Variants in FAM117B observed in about 807,000 individuals in gnomAD.
FAM117B encodes protein FAM117B.
FAM117B carries 22 observed loss-of-function variants against 52.8 expected under a neutral mutation model. That is an observed-to-expected ratio of 0.42 (90% CI 0.30 to 0.59). The LOEUF (loss-of-function observed/expected upper bound fraction) is 0.59, where lower values mean the gene tolerates loss of function less well. FAM117B is among the 20% of genes least tolerant of loss of function. The pLI is 0.22. For missense variants in FAM117B, 678 were observed against 802.6 expected, an observed-to-expected ratio of 0.84 and a Z score of 1.88; for synonymous variants, 309 against 324.1, an observed-to-expected ratio of 0.95 and a Z score of 0.50.
Position 202,715,837 on chromosome 2 carries a change from C to T in FAM117B, c.754-9080C>T, listed in dbSNP as rs187801989. Among the ~76,000 whole-genome samples, 49 of 152,322 alleles carry T rather than the reference C, an allele frequency of 3.2e-4. No individual in the cohort carries two copies. In the East Asian group the frequency reaches 6.4e-3, roughly 20 times the overall value. On this transcript the variant is annotated intron_variant, in intron 2 of 7. Transcript: ENST00000392238. ...GACTCCGTCTGCAATCCCGGCACCT[C>T]GGGAGGCCGAGGCTGGCGGATCACT...
intron 4 of FAM117B, among the ~76,000 whole-genome samples, chr2:202,734,542 A>G (rs1399810589): frequency 6.6e-6 from 1 of 152,232 alleles, no homozygotes; most frequent in Non-Finnish European, 1.5e-5. Context: ...AAAAGAACCA[A>G]AAAAGTAAAC....
intron 7 of FAM117B, among the ~76,000 whole-genome samples, chr2:202,764,157 C>G (rs564275272): frequency 1.3e-5 from 2 of 152,198 alleles, no homozygotes; most frequent in Non-Finnish European, 2.9e-5. Context: ...CCCCATCACT[C>G]CTCACCCCAC....
At position 202,768,269 on chromosome 2, in the gene FAM117B, TC is replaced by T. The variant is rs577781418; in HGVS notation, c.*2506del. The stretch of plus-strand genomic sequence containing the variant: ...TGCCTATTTGTCTAATTCATATCTT[TC>T]TGTGGAGTTTCATATGTCCTTAATC... On this transcript the variant is annotated 3_prime_UTR_variant, in exon 8 of 8. Transcript: ENST00000392238. 1 of 152,198 alleles carries T rather than the reference TC, an allele frequency of 6.6e-6. No homozygotes were observed. Among genetic ancestry groups the T allele is most frequent in the Non-Finnish European group, 1.5e-5 (1 of 68,034 alleles). 9.4% of individuals were successfully genotyped at this position (152,198 alleles called of 1,614,324 possible).
intron 1 of FAM117B, among the ~76,000 whole-genome samples, chr2:202,661,968 G>T (rs918058600): frequency 6.6e-6 from 1 of 151,680 alleles, no homozygotes; most frequent in Admixed American, 6.6e-5. Context: ...CCAATACTGG[G>T]TAAGTATCCA....
intron 4 of FAM117B, among the ~76,000 whole-genome samples, chr2:202,743,331 A>G (rs1691578689): frequency 6.6e-6 from 1 of 152,218 alleles, no homozygotes; most frequent in Non-Finnish European, 1.5e-5. Context: ...ACACTACTGC[A>G]CCCACCCAGA....
At chr2:202,720,232 G>A (rs1259692307) in intron 2 of FAM117B, among the ~76,000 whole-genome samples, 2 of 151,788 alleles carry the variant, frequency 1.3e-5, no homozygotes, top group Admixed American at 6.6e-5. Context: ...TCTAATGGAG[G>A]TATTTCTTTA....
intron 2 of FAM117B, among the ~76,000 whole-genome samples, chr2:202,709,347 C>T (rs1183697548): frequency 1.3e-5 from 2 of 152,114 alleles, no homozygotes; most frequent in Non-Finnish European, 2.9e-5. Flanking sequence ...GGATTACAGG[C>T]ACCCGCCATC....
Position 202,640,329 on chromosome 2 carries a change from T to TGGCACCAC in FAM117B, c.601+4541_601+4542insGGCACCAC, listed in dbSNP as rs1157672420. Among the ~76,000 whole-genome samples the TGGCACCAC allele has an allele frequency of 8.6e-5, 10 of 116,850 alleles. No individual in the cohort carries two copies. The East Asian group carries it at 2.5e-3, about 29-fold the overall frequency. The allele number at this position is 116,850 out of a possible 152,430, so 76.7% of individuals were successfully genotyped here. The stretch of plus-strand genomic sequence containing the variant: ...ATATATATATATATATATATATATA[T>TGGCACCAC]ATATATATATATATGGCAAGTCGTG... On this transcript the variant is annotated intron_variant, in intron 1 of 7. Coordinates refer to ENST00000392238, the MANE Select transcript of FAM117B (RefSeq NM_173511.4).
chr2:202,690,104 T>C (rs1282962043), intron 1 of FAM117B, among the ~76,000 whole-genome samples: 4 of 152,186 alleles, frequency 2.6e-5, no homozygotes, highest in Admixed American at 6.5e-5. Context: ...CAGGTACTCA[T>C]AGTTGGGGAA....
chr2:202,667,237 A>G (rs983878821), intron 1 of FAM117B, among the ~76,000 whole-genome samples: 1 of 151,976 alleles, frequency 6.6e-6, no homozygotes, highest in Non-Finnish European at 1.5e-5. Context: ...AGTAGCTGAG[A>G]CTACAGGCAC....
At chr2:202,758,702 T>G (rs755675040) in intron 6 of FAM117B, among the ~76,000 whole-genome samples, 2 of 152,204 alleles carry the variant, frequency 1.3e-5, no homozygotes, top group Non-Finnish European at 2.9e-5. Flanking sequence ...TCAAAAAACT[T>G]GAGTCAGAGC....
intron 1 of FAM117B, among the ~76,000 whole-genome samples, chr2:202,678,714 G>T (rs1371383926): frequency 2.6e-5 from 4 of 152,078 alleles, no homozygotes; most frequent in Non-Finnish European, 5.9e-5. Context: ...GCGCCACCAC[G>T]CCCAGCTAAT....
intron 1 of FAM117B, among the ~76,000 whole-genome samples, chr2:202,669,229 A>C (rs1272243621): frequency 1.3e-5 from 2 of 152,212 alleles, no homozygotes; most frequent in African/African-American, 2.4e-5. Flanking sequence ...AAATCATGAT[A>C]TGATATTGGA....
chr2:202,651,054 G>A (rs1339789445), intron 1 of FAM117B, among the ~76,000 whole-genome samples: 1 of 143,778 alleles, frequency 7.0e-6, no homozygotes. Flanking sequence ...CTTCTAATTT[G>A]CCATTCTTTT....
intron 4 of FAM117B, among the ~76,000 whole-genome samples, chr2:202,732,046 C>CTTTTTTTTTT (rs758181285): frequency 3.0e-5 from 4 of 135,014 alleles, no homozygotes; most frequent in Non-Finnish European, 4.8e-5. Flanking sequence ...ATTTATTTTT[C>CTTTTTTTTTT]TTTTTTTTTT....
At chr2:202,742,408 T>A (rs926775672) in intron 4 of FAM117B, among the ~76,000 whole-genome samples, 2 of 152,120 alleles carry the variant, frequency 1.3e-5, no homozygotes, top group Non-Finnish European at 2.9e-5. Flanking sequence ...ATACAGAAAT[T>A]TACTGTATGG....
rs539526373 is a variant in FAM117B at position 202,764,430 on chromosome 2, AT to A, written c.1452-1005del. 7.3e-3 allele frequency among the ~76,000 whole-genome samples: 1,064 copies of A among 146,508 alleles called. 5 individuals carry two copies. The highest frequency in any genetic ancestry group is 0.011 in the African/African-American group (434 of 40,042). ...CAGGTGCATGCCGTCAGACTAGATT[AT>A]TTTTTTTTTTAAGGTTTTTATAAAG... On this transcript the variant is annotated intron_variant, in intron 7 of 7. Transcript: ENST00000392238.
At chr2:202,715,293 T>C (rs1370837634) in intron 2 of FAM117B, among the ~76,000 whole-genome samples, 1 of 140,932 alleles carries the variant, frequency 7.1e-6, no homozygotes, top group East Asian at 2.1e-4. Flanking sequence ...GCGGCTGGCC[T>C]GGCGGGGGCT....
At chr2:202,755,099 C>T (rs950516885) in intron 4 of FAM117B, among the ~76,000 whole-genome samples, 5 of 151,846 alleles carry the variant, frequency 3.3e-5, no homozygotes, top group East Asian at 3.9e-4. Context: ...AACCAGATTT[C>T]GTAAGAACTC....
Sources: gnomAD v4.1 joint callset for allele counts (sites outside exome capture counted in the v4.1 genomes callset) on GRCh38, gnomAD v4.1.1 for gene constraint, MANE v1.5 for transcripts, NCBI Gene and HGNC (gene_info 2026-07-23, HGNC 2026-07-21) for gene names.